Variants in YWHAE observed in about 807,000 individuals in gnomAD.
The protein encoded by YWHAE is 14-3-3 protein epsilon.
A neutral mutation model predicts 30.1 loss-of-function variants in YWHAE; 4 were observed. The observed-to-expected ratio is 0.13, with a 90% CI of 0.07 to 0.30. The LOEUF is 0.30. Among genes scored for constraint, YWHAE ranks in the 10% least tolerant of loss-of-function variants. The probability of loss-of-function intolerance (pLI) is 1.00; values close to 1 mark genes in which losing one functional copy is unlikely to be tolerated. For missense variants in YWHAE, 121 were observed against 315.9 expected (o/e 0.38, Z 4.68); for synonymous variants, 118 against 111.8 (o/e 1.06, Z -0.35).
At chr17:1,357,581 A>AT (rs1461519749) in intron 4 of YWHAE, among the ~76,000 whole-genome samples, 6 of 151,696 alleles carry the variant, frequency 4.0e-5, no homozygotes, top group African/African-American at 1.5e-4. Context: ...CTCCGTCAAA[A>AT]TAAAAAAAAA....
At chr17:1,396,411 G>A (rs1366740410) in intron 1 of YWHAE, among the ~76,000 whole-genome samples, 11 of 151,880 alleles carry the variant, frequency 7.2e-5, no homozygotes, top group South Asian at 4.2e-4. Flanking sequence ...GAGACAGAGC[G>A]AGACTCCGTC....
chr17:1,389,568 T>C (rs2073358433), intron 1 of YWHAE, among the ~76,000 whole-genome samples: 1 of 151,590 alleles, frequency 6.6e-6, no homozygotes, highest in Non-Finnish European at 1.5e-5. Context: ...TCTCGCTCTG[T>C]TGCCCAGGCT....
chr17:1,398,992 C>A (rs963187173), intron 1 of YWHAE: 7 of 152,190 alleles, frequency 4.6e-5, no homozygotes, highest in African/African-American at 1.4e-4. Context: ...AGATCCCCCA[C>A]GAAGTACAGA....
At chr17:1,352,991 A>C (rs2072661074) in intron 5 of YWHAE, among the ~76,000 whole-genome samples, 1 of 152,214 alleles carries the variant, frequency 6.6e-6, no homozygotes, top group South Asian at 2.1e-4. Context: ...ACCATGGATC[A>C]AAATGATTCT....
At chr17:1,372,707 C>G (rs2073060342) in intron 1 of YWHAE, among the ~76,000 whole-genome samples, 1 of 152,158 alleles carries the variant, frequency 6.6e-6, no homozygotes, top group African/African-American at 2.4e-5. Context: ...AATCCCAATA[C>G]TTTGGGAGGC....
At chr17:1,366,210 C>CAAAA (rs35109750) in intron 1 of YWHAE, among the ~76,000 whole-genome samples, 1 of 127,190 alleles carries the variant, frequency 7.9e-6, no homozygotes. Context: ...GACTCCACCT[C>CAAAA]AAAAAAAAAA....
chr17:1,370,065 C>T (rs2150858361), intron 1 of YWHAE, among the ~76,000 whole-genome samples: 1 of 150,206 alleles, frequency 6.7e-6, no homozygotes, highest in East Asian at 2.0e-4. Flanking sequence ...TCCTTTCCTG[C>T]ATGATTTCTC....
At chr17:1,367,036 C>T (rs548735563) in intron 1 of YWHAE, among the ~76,000 whole-genome samples, 4 of 152,048 alleles carry the variant, frequency 2.6e-5, no homozygotes, top group East Asian at 1.9e-4. Context: ...TTAATCCTTT[C>T]GGGAATATAA....
Position 1,367,208 on chromosome 17 carries a change from A to G in YWHAE, c.65-2150T>C, listed in dbSNP as rs537808492. On this transcript the variant is annotated intron_variant, in intron 1 of 5. Coordinates refer to ENST00000264335, the MANE Select transcript of YWHAE (RefSeq NM_006761.5). ...ACACTCACTCACAGCAACTCTATTC[A>G]TAATAGCCAAAAAGTGGAAACCCCT... Among the ~76,000 whole-genome samples, 4 of 152,190 alleles carry G rather than the reference A, an allele frequency of 2.6e-5. No homozygotes were observed. In the East Asian group the frequency reaches 5.8e-4, roughly 22 times the overall value.
chr17:1,366,611 T>TAA (rs1422717793), intron 1 of YWHAE, among the ~76,000 whole-genome samples: 1 of 152,148 alleles, frequency 6.6e-6, no homozygotes, highest in South Asian at 2.1e-4. Context: ...AAGCATACCT[T>TAA]AACTAATAGG....
intron 1 of YWHAE, among the ~76,000 whole-genome samples, chr17:1,382,885 T>C (rs1038274769): frequency 6.7e-6 from 1 of 148,594 alleles, no homozygotes; most frequent in South Asian, 2.1e-4. Context: ...ATTATCCAGG[T>C]GTGTTGGCAT....
chr17:1,400,048 G>A lies in YWHAE; in HGVS notation c.63C>T (p.Asp21=), dbSNP rs921990595. 8.7e-7 allele frequency: 1 copy of A among 1,145,998 alleles called. No homozygotes were observed. The highest frequency in any genetic ancestry group is 1.3e-6 in the Non-Finnish European group (1 of 761,846). 71.0% of individuals were successfully genotyped at this position (1,145,998 alleles called of 1,614,324 possible). ...AKLAEQAERY[D]EMVESMKKVA... The stretch of plus-strand genomic sequence containing the variant: ...CCCCCCGTTGCCCCCCCAACTCACC[G>A]TCGTATCGCTCAGCCTGCTCGGCCA... Residue 21 remains aspartate, a splice_region_variant and synonymous_variant, in exon 1 of 6, where the codon GAC becomes GAT. Transcript: ENST00000264335.
rs982054510 is a variant in YWHAE, at chr17:1,344,604, A to T, written c.*843T>A. The T allele has an allele frequency of 1.3e-5, 3 of 227,364 alleles. No homozygotes were observed. Among genetic ancestry groups the T allele is most frequent in the Non-Finnish European group, 2.6e-5 (3 of 114,104 alleles). 14.1% of individuals were successfully genotyped at this position (227,364 alleles called of 1,614,324 possible). On this transcript the variant is annotated 3_prime_UTR_variant, in exon 6 of 6. Transcript: ENST00000264335. ...TGTTAATTCCATGCTGTGTTTCAGT[A>T]AGAACAATACAGATTCTGTATCTGT...
chr17:1,368,908 C>T (rs2072987718), intron 1 of YWHAE, among the ~76,000 whole-genome samples: 4 of 152,178 alleles, frequency 2.6e-5, no homozygotes, highest in Non-Finnish European at 1.5e-5. Context: ...ACATCAAATA[C>T]TACCAAAAAT....
intron 4 of YWHAE, among the ~76,000 whole-genome samples, chr17:1,357,913 C>T (rs2072783730): frequency 6.7e-6 from 1 of 149,574 alleles, no homozygotes; most frequent in Admixed American, 6.7e-5. Context: ...GGAAACACAG[C>T]GAGACTCTCC....
chr17:1,368,563 C>CAAAAAAAA (rs11285222), intron 1 of YWHAE, among the ~76,000 whole-genome samples: 2 of 102,414 alleles, frequency 2.0e-5, no homozygotes, highest in Admixed American at 1.0e-4. Context: ...GACTCTGTCT[C>CAAAAAAAA]AAAAAAAAAA....
chr17:1,345,307 ACC>A lies in YWHAE; in HGVS notation c.*138_*139del, dbSNP rs2072497355. 218 of 791,032 alleles carry A rather than the reference ACC, an allele frequency of 2.8e-4. No individual in the cohort carries two copies. The highest frequency in any genetic ancestry group is 7.3e-4 in the South Asian group (40 of 54,910). The allele number at this position is 791,032 out of a possible 1,614,324, so 49.0% of individuals were successfully genotyped here. A position where few individuals can be genotyped will look rare whatever the true frequency, so the allele number is the denominator to read the frequency against. On this transcript the variant is annotated 3_prime_UTR_variant, in exon 6 of 6. Coordinates refer to ENST00000264335, the MANE Select transcript of YWHAE (RefSeq NM_006761.5). ...AACTGTTTAAAAAAAAAAAAAAAAA[ACC>A]AACAGGGCAGGAACCTAAATTCTGA...
intron 2 of YWHAE, chr17:1,364,653 G>T: frequency 1.6e-6 from 1 of 628,186 alleles, no homozygotes; most frequent in East Asian, 2.8e-5. Flanking sequence ...TACCAAACCT[G>T]ATACAGACTA....
chr17:1,388,118 G>GTTTTTTTTTTTTTTTTTTTTTTTT, intron 1 of YWHAE, among the ~76,000 whole-genome samples: 1 of 15,502 alleles, frequency 6.5e-5, no homozygotes, highest in Non-Finnish European at 9.3e-5. Flanking sequence ...TTTTTGGTTG[G>GTTTTTTTTTTTTTTTTTTTTTTTT]TTTTTTTTTT....
Sources: gnomAD v4.1 joint callset for allele counts (sites outside exome capture counted in the v4.1 genomes callset) on GRCh38, gnomAD v4.1.1 for gene constraint, MANE v1.5 for transcripts, NCBI Gene and HGNC (gene_info 2026-07-23, HGNC 2026-07-21) for gene names.